The following CDYL2 variants were observed in gnomAD, a reference collection of about 807,000 sequenced individuals.
CDYL2 encodes chromodomain Y like 2, also known as chromodomain Y-like protein 2.
In CDYL2, 23 loss-of-function variants were observed where a neutral mutation model predicts 49.4. The ratio of observed to expected loss-of-function variants is 0.47; its 90% CI spans 0.34 to 0.66. CDYL2 has a LOEUF of 0.66. CDYL2 is among the 30% of genes least tolerant of loss of function. The probability of loss-of-function intolerance (pLI) is 0.01; values close to 1 mark genes in which losing one functional copy is unlikely to be tolerated. For missense variants in CDYL2, 678 were observed against 656.4 expected (o/e 1.03, Z -0.36); for synonymous variants, 360 against 268.8 (o/e 1.34, Z -3.32).
chr16:80,769,023 G>A (rs1017492835), intron 1 of CDYL2, among the ~76,000 whole-genome samples: 2 of 152,102 alleles, frequency 1.3e-5, no homozygotes, highest in African/African-American at 4.8e-5. Flanking sequence ...TTTTACCTCT[G>A]AATAAAGTCC....
At chr16:80,738,743 C>A (rs973877274) in intron 1 of CDYL2, 2 of 152,174 alleles carry the variant, frequency 1.3e-5, no homozygotes, top group African/African-American at 4.8e-5. Flanking sequence ...TGTACACTTT[C>A]AATTGGTGAG....
intron 1 of CDYL2, among the ~76,000 whole-genome samples, chr16:80,724,699 C>T (rs1213671771): frequency 1.3e-5 from 2 of 152,208 alleles, no homozygotes; most frequent in Non-Finnish European, 2.9e-5. Context: ...ACATAGATTT[C>T]TTTCTATAGT....
chr16:80,744,744 AG>A (rs1019440244), intron 1 of CDYL2, among the ~76,000 whole-genome samples: 19 of 152,280 alleles, frequency 1.2e-4, no homozygotes, highest in African/African-American at 4.3e-4. Flanking sequence ...AACACAGCAA[AG>A]GAATTTTCTG....
At chr16:80,615,823 A>G (rs1906802784) in intron 4 of CDYL2, among the ~76,000 whole-genome samples, 1 of 152,118 alleles carries the variant, frequency 6.6e-6, no homozygotes, top group Non-Finnish European at 1.5e-5. Context: ...TTTCCTTGAT[A>G]TGAAAATGTC....
intron 1 of CDYL2, among the ~76,000 whole-genome samples, chr16:80,694,631 T>C (rs1910549459): frequency 6.6e-6 from 1 of 152,320 alleles, no homozygotes; most frequent in African/African-American, 2.4e-5. Context: ...AATATATGTA[T>C]ACATGAGTTA....
At chr16:80,754,164 G>T (rs1906230059) in intron 1 of CDYL2, among the ~76,000 whole-genome samples, 1 of 152,190 alleles carries the variant, frequency 6.6e-6, no homozygotes, top group Non-Finnish European at 1.5e-5. Flanking sequence ...CCGCCACTGT[G>T]CACAGGGAAG....
Position 80,671,860 on chromosome 16 carries a change from T to G in CDYL2, c.616+12678A>C, listed in dbSNP as rs145987966. Among the ~76,000 whole-genome samples, 579 of 152,314 alleles carry G rather than the reference T, an allele frequency of 3.8e-3. 4 individuals are homozygous for G. Among genetic ancestry groups the G allele is most frequent in the African/African-American group, 0.013 (552 of 41,560 alleles). On this transcript the variant is annotated intron_variant, in intron 2 of 6. Transcript: ENST00000570137. ...TAATCCTGCCTCTGGGAATCTAGTC[T>G]AGAAAAATAGTCCAGAAAAAAATGA...
intron 2 of CDYL2, among the ~76,000 whole-genome samples, chr16:80,681,307 C>T (rs943785420): frequency 9.2e-5 from 14 of 152,078 alleles, no homozygotes; most frequent in African/African-American, 3.4e-4. Flanking sequence ...CACCCTTGGG[C>T]CCCTGGAGAC....
intron 1 of CDYL2, among the ~76,000 whole-genome samples, chr16:80,725,004 A>G (rs527966113): frequency 2.8e-4 from 42 of 152,328 alleles, no homozygotes; most frequent in African/African-American, 1.0e-3. Context: ...CTACTGAGTT[A>G]AGCATGGTCT....
chr16:80,728,537 A>G (rs1420545740), intron 1 of CDYL2, among the ~76,000 whole-genome samples: 1 of 152,256 alleles, frequency 6.6e-6, no homozygotes, highest in East Asian at 1.9e-4. Context: ...GATATCATCC[A>G]GGAGAACTTG....
chr16:80,718,648 G>C (rs1427712497), intron 1 of CDYL2, among the ~76,000 whole-genome samples: 2 of 152,160 alleles, frequency 1.3e-5, no homozygotes, highest in African/African-American at 2.4e-5. Flanking sequence ...GAAGGAGCTG[G>C]AAGTCCAGTC....
At chr16:80,647,515 A>G (rs1908403542) in intron 2 of CDYL2, among the ~76,000 whole-genome samples, 1 of 152,090 alleles carries the variant, frequency 6.6e-6, no homozygotes, top group Non-Finnish European at 1.5e-5. Context: ...ATATATATGC[A>G]CCCAACACTG....
At chr16:80,623,211 G>C (rs1907159489) in intron 3 of CDYL2, among the ~76,000 whole-genome samples, 1 of 152,098 alleles carries the variant, frequency 6.6e-6, no homozygotes, top group Non-Finnish European at 1.5e-5. Context: ...TATGACAGGG[G>C]GTTCCAGAAG....
At chr16:80,696,024 T>C (rs1910602077) in intron 1 of CDYL2, among the ~76,000 whole-genome samples, 1 of 152,206 alleles carries the variant, frequency 6.6e-6, no homozygotes, top group African/African-American at 2.4e-5. Flanking sequence ...ACAAATGCTT[T>C]AAAAATTGAA....
intron 1 of CDYL2, among the ~76,000 whole-genome samples, chr16:80,721,427 G>A (rs985919447): frequency 2.0e-5 from 3 of 152,130 alleles, no homozygotes; most frequent in African/African-American, 7.2e-5. Context: ...GCATGAGCAG[G>A]TTTGGGCAGC....
intron 1 of CDYL2, among the ~76,000 whole-genome samples, chr16:80,778,177 C>A (rs995843778): frequency 6.6e-6 from 1 of 151,874 alleles, no homozygotes; most frequent in Non-Finnish European, 1.5e-5. Flanking sequence ...AAAATAATAT[C>A]TACTTTATAT....
At chr16:80,638,203 T>C (rs1362793292) in intron 2 of CDYL2, among the ~76,000 whole-genome samples, 1 of 152,092 alleles carries the variant, frequency 6.6e-6, no homozygotes, top group Non-Finnish European at 1.5e-5. Flanking sequence ...GCCTCCCAAG[T>C]AGCTGGGACT....
chr16:80,773,657 A>T lies in CDYL2; in HGVS notation c.24+30493T>A, dbSNP rs1041974853. On this transcript the variant is annotated intron_variant, in intron 1 of 6. Coordinates refer to ENST00000570137, the MANE Select transcript of CDYL2 (RefSeq NM_152342.4). Reference sequence around the variant, plus strand: ...TACAATAAAATAAAGATGACAGAAAATCTTCATGTTTGAAAATTAAGAAAT... The same window carrying T: ...TACAATAAAATAAAGATGACAGAAATTCTTCATGTTTGAAAATTAAGAAAT... Among the ~76,000 whole-genome samples, 5 of 152,202 alleles carry T rather than the reference A, an allele frequency of 3.3e-5. No homozygotes were observed. In the East Asian group the frequency reaches 9.6e-4, roughly 29 times the overall value.
intron 1 of CDYL2, among the ~76,000 whole-genome samples, chr16:80,708,751 GTT>G (rs1035028441): frequency 6.6e-6 from 1 of 150,944 alleles, no homozygotes; most frequent in Non-Finnish European, 1.5e-5. Context: ...ACACAGGGTT[GTT>G]TTTTTTTGTA....
Sources: allele counts gnomAD v4.1 joint callset (sites outside exome capture counted in the v4.1 genomes callset), GRCh38; gene constraint gnomAD v4.1.1; transcripts MANE v1.5; gene names NCBI Gene and HGNC (gene_info 2026-07-23, HGNC 2026-07-21).